IDE: variants seen among roughly 807,000 people sequenced by gnomAD.
IDE encodes the protein insulin-degrading enzyme.
IDE carries 58 observed loss-of-function variants against 133.2 expected under a neutral mutation model. That is an observed-to-expected ratio of 0.44 (90% CI 0.35 to 0.54). The LOEUF (loss-of-function observed/expected upper bound fraction) is 0.54, where lower values mean the gene tolerates loss of function less well. Ranked by LOEUF, IDE falls within the 20% of genes least tolerant of loss-of-function variation. The probability of loss-of-function intolerance (pLI) is 0.00; values close to 1 mark genes in which losing one functional copy is unlikely to be tolerated. For missense variants in IDE, 981 were observed against 1,234.0 expected, an observed-to-expected ratio of 0.79 and a Z score of 3.07; for synonymous variants, 396 against 421.3, an observed-to-expected ratio of 0.94 and a Z score of 0.73.
At chr10:92,550,650 C>CAAAAAAA (rs71028826) in intron 1 of IDE, among the ~76,000 whole-genome samples, 1 of 57,426 alleles carries the variant, frequency 1.7e-5, no homozygotes, top group African/African-American at 8.4e-5. Context: ...GACTCCGTCT[C>CAAAAAAA]AAAAAAAAAA....
rs879402741 is a variant in IDE, at chr10:92,469,133, T to C, written c.2209-143A>G. On this transcript the variant is annotated intron_variant, in intron 18 of 24. Transcript: ENST00000265986. Reference sequence around the variant, plus strand: ...TATTCAAATGGATAAAAATTGAATTTGTCAGTATGGTCATTTTGCAATAGA... The same window carrying C: ...TATTCAAATGGATAAAAATTGAATTCGTCAGTATGGTCATTTTGCAATAGA... 1.7e-5 allele frequency: 10 copies of C among 602,730 alleles called. No individual in the cohort carries two copies. The Admixed American group carries it at 2.8e-4, about 17-fold the overall frequency. 37.3% of individuals were successfully genotyped at this position (602,730 alleles called of 1,614,324 possible).
At chr10:92,503,167 C>T (rs1848115054) in intron 11 of IDE, among the ~76,000 whole-genome samples, 1 of 152,084 alleles carries the variant, frequency 6.6e-6, no homozygotes, top group African/African-American at 2.4e-5. Context: ...CAGTGGCTCA[C>T]GACGGCTGTA....
intron 1 of IDE, among the ~76,000 whole-genome samples, chr10:92,572,112 C>A (rs373464390): frequency 6.6e-6 from 1 of 152,118 alleles, no homozygotes; most frequent in African/African-American, 2.4e-5. Flanking sequence ...GATGGTCGAC[C>A]GGACTTTATA....
rs527739417 is a variant in IDE, at chr10:92,559,323, T to C, written c.98+14599A>G. ...GTTCACATGAAAACTTGTACACGAATGCCCAAAGCAGTATTATTCATTATA... is the reference window on the plus strand; with the variant it reads ...GTTCACATGAAAACTTGTACACGAACGCCCAAAGCAGTATTATTCATTATA... On this transcript the variant is annotated intron_variant, in intron 1 of 24. Coordinates refer to ENST00000265986, the MANE Select transcript of IDE (RefSeq NM_004969.4). 6 of 152,316 alleles carry C rather than the reference T, an allele frequency of 3.9e-5. No individual in the cohort carries two copies. The East Asian group carries it at 1.2e-3, about 29-fold the overall frequency. 9.4% of individuals were successfully genotyped at this position (152,316 alleles called of 1,614,324 possible).
At chr10:92,550,519 C>T (rs568143573) in intron 1 of IDE, among the ~76,000 whole-genome samples, 3 of 151,722 alleles carry the variant, frequency 2.0e-5, no homozygotes, top group Middle Eastern at 6.8e-3. Flanking sequence ...GGTGTGGTGG[C>T]AGGTGCCTGT....
At chr10:92,483,651 G>A (rs1412633644) in intron 13 of IDE, among the ~76,000 whole-genome samples, 1 of 152,174 alleles carries the variant, frequency 6.6e-6, no homozygotes, top group Non-Finnish European at 1.5e-5. Context: ...TGGACACTAG[G>A]AGGAAGGCAG....
intron 1 of IDE, among the ~76,000 whole-genome samples, chr10:92,553,667 G>A (rs577455534): frequency 2.4e-4 from 36 of 152,076 alleles, no homozygotes; most frequent in Middle Eastern, 3.4e-3. Context: ...AACTGATACC[G>A]CAAAAATTCA....
intron 19 of IDE, among the ~76,000 whole-genome samples, chr10:92,466,230 CAAAAAAA>C (rs59698259): frequency 2.9e-5 from 2 of 69,984 alleles, no homozygotes; most frequent in South Asian, 5.2e-4. Flanking sequence ...GACCCTGTCT[CAAAAAAA>C]AAAAAAAAAA....
chr10:92,475,938 C>T lies in IDE; in HGVS notation c.1941G>A (p.Glu647=), dbSNP rs144351724. The T allele has an allele frequency of 8.2e-5, 127 of 1,552,492 alleles. No individual in the cohort carries two copies. The highest frequency in any genetic ancestry group is 1.7e-4 in the Middle Eastern group (1 of 5,936). ...KQPILLKKII[E]KMATFEIDEK... ...CATCAATCTCAAAGGTAGCCATTTT[C>T]TCAATAATCTTCTTTAGTAAAATTG... Residue 647 remains glutamate, a synonymous_variant, in exon 16 of 25, where the codon GAG becomes GAA. Transcript: ENST00000265986.
chr10:92,508,200 C>A lies in IDE; in HGVS notation c.1066G>T (p.Val356Phe). 1 of 1,612,430 alleles carries A rather than the reference C, an allele frequency of 6.2e-7. No individual in the cohort carries two copies. Among genetic ancestry groups the A allele is most frequent in the Non-Finnish European group, 8.5e-7 (1 of 1,179,172 alleles). Reference sequence around the variant, plus strand: ...TTCTGCCCACCAACAAGAGTATTAACCCAGCCTGCAACATTCAAAGGAAAT... The same window carrying A: ...TTCTGCCCACCAACAAGAGTATTAAACCAGCCTGCAACATTCAAAGGAAAT... ...LLSELKSKGWVNTLVGGQKEG... is the reference protein window; with the variant it reads ...LLSELKSKGWFNTLVGGQKEG... The change falls in exon 8 of 25, where the codon GTT becomes TTT. Residue 356 changes from valine (V) to phenylalanine (F), a missense_variant. Around this residue, in one of 2 missense-constraint regions of IDE, gnomAD observed 660 missense variants for 894.7 expected, o/e 0.74. Transcript: ENST00000265986.
chr10:92,497,230 CA>C (rs1162905432), intron 11 of IDE, among the ~76,000 whole-genome samples: 2 of 152,152 alleles, frequency 1.3e-5, no homozygotes, highest in Non-Finnish European at 2.9e-5. Flanking sequence ...ATGATAGGAT[CA>C]GGGGAGGTGG....
At chr10:92,541,338 C>T (rs1174472811) in intron 1 of IDE, 5 of 470,704 alleles carry the variant, frequency 1.1e-5, no homozygotes, top group Admixed American at 9.4e-5. Flanking sequence ...ACTCTTCCTC[C>T]TCTGATGATG....
At chr10:92,533,240 C>T (rs1426934719) in intron 3 of IDE, among the ~76,000 whole-genome samples, 1 of 152,200 alleles carries the variant, frequency 6.6e-6, no homozygotes, top group Non-Finnish European at 1.5e-5. Context: ...TGAACATCTG[C>T]TGCAGCATTT....
chr10:92,530,699 C>T (rs1005390991), intron 4 of IDE, among the ~76,000 whole-genome samples: 1 of 152,138 alleles, frequency 6.6e-6, no homozygotes, highest in African/African-American at 2.4e-5. Context: ...TTCTAAGAAC[C>T]ACACTATTCA....
chr10:92,498,148 G>A (rs368095867), intron 11 of IDE, among the ~76,000 whole-genome samples: 1 of 152,196 alleles, frequency 6.6e-6, no homozygotes, highest in East Asian at 1.9e-4. Context: ...ATGACAGCCA[G>A]TATTCATGAC....
At position 92,463,917 on chromosome 10, in the gene IDE, G is replaced by A; in HGVS notation, c.2575C>T (p.Leu859=). ...IIQSEKPPHY[L]ESRVEAFLIT... ...AAGAAAGCTTCCACTCTGCTTTCTA[G>A]GTAGTGAGGTGGCTTTTCTGACTGG... The change falls in exon 21 of 25, where the codon CTA becomes TTA. Residue 859 remains leucine (L), a synonymous_variant. Coordinates refer to ENST00000265986, the MANE Select transcript of IDE (RefSeq NM_004969.4). 2 of 1,614,000 alleles carry A rather than the reference G, an allele frequency of 1.2e-6. No individual in the cohort carries two copies. The highest frequency in any genetic ancestry group is 1.7e-6 in the Non-Finnish European group (2 of 1,179,860).
chr10:92,507,473 A>C, intron 9 of IDE, 102 bp downstream of exon 9: 1 of 745,860 alleles, frequency 1.3e-6, no homozygotes, highest in African/African-American at 1.8e-5. Context: ...GTTAGGAAAA[A>C]AACTTTAAAA....
chr10:92,549,664 C>T (rs762170871), intron 1 of IDE, among the ~76,000 whole-genome samples: 40 of 151,402 alleles, frequency 2.6e-4, no homozygotes, highest in Admixed American at 2.3e-3. Flanking sequence ...AATACTCAGT[C>T]AGTATCTTGT....
Position 92,470,362 on chromosome 10 carries a change from A to C in IDE, c.2117-17T>G, listed in dbSNP as rs768793224. The C allele has an allele frequency of 5.9e-6, 9 of 1,521,164 alleles. No homozygotes were observed. The highest frequency in any genetic ancestry group is 8.1e-6 in the Non-Finnish European group (9 of 1,114,638). 94.2% of individuals were successfully genotyped at this position (1,521,164 alleles called of 1,614,324 possible). ...GGGTTACATCTGCAAAGGTGTAAGA[A>C]GACATAGTGAGCGCTACCTATGAGG... On this transcript the variant is annotated splice_polypyrimidine_tract_variant and intron_variant, in intron 17 of 24. Coordinates refer to ENST00000265986, the MANE Select transcript of IDE (RefSeq NM_004969.4).
Sources: allele counts gnomAD v4.1 joint callset (sites outside exome capture counted in the v4.1 genomes callset), GRCh38; gene constraint gnomAD v4.1.1; regional missense constraint gnomAD v4.1.1; transcripts MANE v1.5; gene names NCBI Gene and HGNC (gene_info 2026-07-23, HGNC 2026-07-21).